The following RARB variants were observed in gnomAD, a reference collection of about 807,000 sequenced individuals.
RARB encodes HBV-activated protein.
In RARB, 17 loss-of-function variants were observed where a neutral mutation model predicts 51.9. The ratio of observed to expected loss-of-function variants is 0.33; its 90% CI spans 0.22 to 0.49. The LOEUF is 0.49. RARB is among the 20% of genes least tolerant of loss of function. The pLI is 0.99. For synonymous variants in RARB, 215 were observed against 195.4 expected, an observed-to-expected ratio of 1.10 and a Z score of -0.84; for missense variants, 369 against 550.8, an observed-to-expected ratio of 0.67 and a Z score of 3.30.
chr3:25,126,996 T>C (rs1446375901), intron 3 of RARB, among the ~76,000 whole-genome samples: 1 of 152,056 alleles, frequency 6.6e-6, no homozygotes, highest in Non-Finnish European at 1.5e-5. Context: ...TCTATCAAAA[T>C]CCACCCCACA....
At chr3:24,977,830 C>T (rs909691055) in intron 2 of RARB, among the ~76,000 whole-genome samples, 2 of 152,102 alleles carry the variant, frequency 1.3e-5, no homozygotes, top group South Asian at 2.1e-4. Flanking sequence ...TTGTCTTGTG[C>T]CAGTTTTCAA....
chr3:25,470,675 G>T lies in RARB; in HGVS notation c.306+9334G>T, dbSNP rs541735280. 2.0e-5 allele frequency among the ~76,000 whole-genome samples: 3 copies of T among 152,282 alleles called. 1 individual carries two copies. The highest frequency in any genetic ancestry group is 6.5e-5 in the Admixed American group (1 of 15,310). On this transcript the variant is annotated intron_variant, in intron 2 of 7. Transcript: ENST00000330688. Reference sequence around the variant, plus strand: ...TATATAAACAACTAGGGATCCATAGGATATTAAAGACACTCAAAAGGACTC... The same window carrying T: ...TATATAAACAACTAGGGATCCATAGTATATTAAAGACACTCAAAAGGACTC...
intron 2 of RARB, among the ~76,000 whole-genome samples, chr3:25,036,358 G>C (rs1697994540): frequency 6.6e-6 from 1 of 152,090 alleles, no homozygotes; most frequent in Non-Finnish European, 1.5e-5. Flanking sequence ...TATGTCTGTA[G>C]CGCCAAATCC....
rs1480871957 is a variant in RARB at position 25,468,027 on chromosome 3, T to C, written c.306+6686T>C. On this transcript the variant is annotated intron_variant, in intron 2 of 7. Transcript: ENST00000330688. Reference sequence around the variant, plus strand: ...CTGATGTGATGGGGGTCAGGTGGGATCTCATGGCTGAGGAGGAACCAGCGG... The same window carrying C: ...CTGATGTGATGGGGGTCAGGTGGGACCTCATGGCTGAGGAGGAACCAGCGG... Among the ~76,000 whole-genome samples the C allele has an allele frequency of 2.6e-5, 4 of 152,156 alleles. No individual in the cohort carries two copies. The East Asian group carries it at 7.7e-4, about 29-fold the overall frequency.
rs548501268 is a variant in RARB, at chr3:25,384,692, G to A, written c.179-76501G>A. Among the ~76,000 whole-genome samples the A allele has an allele frequency of 2.7e-4, 41 of 152,228 alleles. 1 individual carries two copies. Among genetic ancestry groups the A allele is most frequent in the African/African-American group, 9.4e-4 (39 of 41,540 alleles). On this transcript the variant is annotated intron_variant, in intron 5 of 11. Transcript: ENST00000383772. ...CTACAAGCTCACCGTGGCAGGAGGT[G>A]GGCTGATGTGTGATATATTTGGCAC...
intron 1 of RARB, among the ~76,000 whole-genome samples, chr3:25,442,718 T>G (rs1708752943): frequency 6.6e-6 from 1 of 152,154 alleles, no homozygotes; most frequent in Non-Finnish European, 1.5e-5. Context: ...TCCTTCTGGG[T>G]GGAACTATTT....
intron 5 of RARB, among the ~76,000 whole-genome samples, chr3:25,585,937 G>C (rs78932718): frequency 6.6e-6 from 1 of 152,124 alleles, no homozygotes. Context: ...AGGGGAGCAG[G>C]GTCAGTGTGG....
At position 25,212,738 on chromosome 3, in the gene RARB, G is replaced by A. The variant is rs80283319; in HGVS notation, c.178+38163G>A. 4.8e-3 allele frequency among the ~76,000 whole-genome samples: 643 copies of A among 134,952 alleles called. 3 individuals are homozygous for A. The highest frequency in any genetic ancestry group is 0.016 in the African/African-American group (611 of 37,620). The allele number at this position is 134,952 out of a possible 152,430, so 88.5% of individuals were successfully genotyped here. A position where few individuals can be genotyped will look rare whatever the true frequency, so the allele number is the denominator to read the frequency against. On this transcript the variant is annotated intron_variant, in intron 5 of 11. Coordinates refer to the RARB transcript ENST00000383772. The stretch of plus-strand genomic sequence containing the variant: ...TCCATCTGATGCTATTTCCATAAAT[G>A]TGCCAGTTATTTTCCACTTTTTTTG...
At chr3:25,267,948 C>A (rs963670892) in intron 5 of RARB, among the ~76,000 whole-genome samples, 5 of 152,100 alleles carry the variant, frequency 3.3e-5, no homozygotes, top group Non-Finnish European at 5.9e-5. Context: ...AAACTATATT[C>A]TTAATTTGGA....
At chr3:25,108,231 T>C (rs1002811463) in intron 3 of RARB, among the ~76,000 whole-genome samples, 18 of 152,314 alleles carry the variant, frequency 1.2e-4, no homozygotes, top group African/African-American at 4.3e-4. Context: ...TGGACGATGG[T>C]TGATCGTGGG....
intron 5 of RARB, among the ~76,000 whole-genome samples, chr3:25,389,049 G>T (rs1706874169): frequency 6.6e-6 from 1 of 152,144 alleles, no homozygotes; most frequent in Non-Finnish European, 1.5e-5. Context: ...GATGAAAATA[G>T]CTTCATAATA....
intron 5 of RARB, among the ~76,000 whole-genome samples, chr3:25,330,583 T>G (rs771502207): frequency 6.6e-6 from 1 of 152,128 alleles, no homozygotes; most frequent in Non-Finnish European, 1.5e-5. Flanking sequence ...AGACTATCAA[T>G]TCTAGGAAGA....
chr3:25,406,213 A>G (rs1270122375), intron 5 of RARB, among the ~76,000 whole-genome samples: 1 of 152,122 alleles, frequency 6.6e-6, no homozygotes, highest in African/African-American at 2.4e-5. Flanking sequence ...ATATGCTCCA[A>G]ACTTTATTTA....
intron 5 of RARB, among the ~76,000 whole-genome samples, chr3:25,244,693 C>A (rs1702513939): frequency 1.3e-5 from 2 of 152,108 alleles, no homozygotes; most frequent in Admixed American, 6.6e-5. Context: ...GTTATGATTT[C>A]TCTTCTTTTG....
chr3:24,939,174 G>C (rs896841671), intron 2 of RARB, among the ~76,000 whole-genome samples: 1 of 152,076 alleles, frequency 6.6e-6, no homozygotes, highest in Non-Finnish European at 1.5e-5. Flanking sequence ...AGTAGAAACT[G>C]GGTTTCATTG....
intron 5 of RARB, among the ~76,000 whole-genome samples, chr3:25,407,570 T>C (rs937468888): frequency 1.3e-5 from 2 of 152,182 alleles, no homozygotes; most frequent in African/African-American, 4.8e-5. Flanking sequence ...TCTCCCCTTT[T>C]TATGCCTATC....
chr3:25,542,524 A>G (rs1699427857), intron 3 of RARB, among the ~76,000 whole-genome samples: 1 of 152,234 alleles, frequency 6.6e-6, no homozygotes, highest in African/African-American at 2.4e-5. Context: ...AGCAATCAAG[A>G]GTCTAGGATT....
In RARB at chr3:24,869,486, A is replaced by G. The variant is rs369470859; in HGVS notation, c.-380+10734A>G. Among the ~76,000 whole-genome samples, 4 of 152,260 alleles carry G rather than the reference A, an allele frequency of 2.6e-5. No homozygotes were observed. The East Asian group carries it at 7.7e-4, about 29-fold the overall frequency. ...TTGATGTGGAAAATATAAAAAATAG[A>G]CTAAAACTCTGAAGGAGAGAATGAA... On this transcript the variant is annotated intron_variant, in intron 2 of 11. Transcript: ENST00000383772.
intron 5 of RARB, among the ~76,000 whole-genome samples, chr3:25,582,008 T>C (rs1701197430): frequency 6.6e-6 from 1 of 150,966 alleles, no homozygotes; most frequent in Non-Finnish European, 1.5e-5. Context: ...CGGGGTGGAG[T>C]GGGGTATACG....
Sources: allele counts gnomAD v4.1 joint callset (sites outside exome capture counted in the v4.1 genomes callset), GRCh38; gene constraint gnomAD v4.1.1; transcripts MANE v1.5; gene names NCBI Gene and HGNC (gene_info 2026-07-23, HGNC 2026-07-21).